The following CYTH1 variants were observed in gnomAD, a reference collection of about 807,000 sequenced individuals.
CYTH1 encodes the protein cytohesin-1.
Under a neutral mutation model 61.8 loss-of-function variants are expected in CYTH1, and 18 were observed. The ratio of observed to expected loss-of-function variants is 0.29; its 90% CI spans 0.20 to 0.43. The LOEUF (loss-of-function observed/expected upper bound fraction) is 0.43, where lower values mean the gene tolerates loss of function less well. Among genes scored for constraint, CYTH1 ranks in the 20% least tolerant of loss-of-function variants. The pLI is 1.00. For missense variants in CYTH1, 336 were observed against 510.5 expected (o/e 0.66, Z 3.29); for synonymous variants, 174 against 184.3 (o/e 0.94, Z 0.45).
chr17:78,686,170 C>T (rs1325459698), intron 11 of CYTH1, among the ~76,000 whole-genome samples: 1 of 152,134 alleles, frequency 6.6e-6, no homozygotes, highest in Non-Finnish European at 1.5e-5. Flanking sequence ...TGTTTTAATA[C>T]TTGTCTTTTT....
intron 1 of CYTH1, among the ~76,000 whole-genome samples, chr17:78,755,089 G>A (rs1363469820): frequency 2.6e-5 from 4 of 152,098 alleles, no homozygotes; most frequent in Admixed American, 2.0e-4. Context: ...GACCAAAAAC[G>A]TGGTGCAGCC....
At chr17:78,762,237 C>T (rs1172707727) in intron 1 of CYTH1, among the ~76,000 whole-genome samples, 1 of 152,112 alleles carries the variant, frequency 6.6e-6, no homozygotes, top group Non-Finnish European at 1.5e-5. Context: ...AGTCTCTGTT[C>T]CGGTAATTTG....
At chr17:78,698,594 T>C (rs2092972131) in intron 8 of CYTH1, among the ~76,000 whole-genome samples, 2 of 152,198 alleles carry the variant, frequency 1.3e-5, no homozygotes, top group African/African-American at 2.4e-5. Flanking sequence ...AGAAGCAGCC[T>C]GACTTCTATT....
At position 78,680,900 on chromosome 17, in the gene CYTH1, G is replaced by A. The variant is rs981882357; in HGVS notation, c.963+71C>T. ...ACGCTTTTCAGTTTTTTGGTTTTGA[G>A]TTTTTTAAAAAAAATCTTTGAAATG... On this transcript the variant is annotated intron_variant, in intron 12 of 13. Coordinates refer to ENST00000446868, the MANE Select transcript of CYTH1 (RefSeq NM_004762.6). The A allele has an allele frequency of 5.9e-6, 9 of 1,533,208 alleles. No homozygotes were observed. The Admixed American group carries it at 1.3e-4, about 22-fold the overall frequency. 95.0% of individuals were successfully genotyped at this position (1,533,208 alleles called of 1,614,324 possible). A position where few individuals can be genotyped will look rare whatever the true frequency, so the allele number is the denominator to read the frequency against.
chr17:78,684,356 T>C (rs556333961), intron 11 of CYTH1, among the ~76,000 whole-genome samples: 67 of 152,282 alleles, frequency 4.4e-4, no homozygotes, highest in Non-Finnish European at 1.3e-4. Context: ...TGGGCAGCAA[T>C]GTAAAATCCC....
chr17:78,771,934 T>C (rs1178887892), intron 1 of CYTH1, among the ~76,000 whole-genome samples: 1 of 152,174 alleles, frequency 6.6e-6, no homozygotes, highest in African/African-American at 2.4e-5. Flanking sequence ...TACCCTTCAC[T>C]GCTTTTGTGT....
At chr17:78,779,817 A>G (rs962865005) in intron 1 of CYTH1, among the ~76,000 whole-genome samples, 3 of 152,242 alleles carry the variant, frequency 2.0e-5, no homozygotes, top group African/African-American at 7.2e-5. Context: ...GCTTTAGCCC[A>G]GTGAGACCTA....
chr17:78,708,433 T>C (rs1567849314), intron 2 of CYTH1, among the ~76,000 whole-genome samples, 172 bp from the exon 3 acceptor site: 1 of 152,246 alleles, frequency 6.6e-6, no homozygotes, highest in Non-Finnish European at 1.5e-5. Flanking sequence ...GAAATATTTA[T>C]TGAGTGCCTA....
chr17:78,692,916 A>G (rs2092902957), intron 10 of CYTH1, among the ~76,000 whole-genome samples: 1 of 152,100 alleles, frequency 6.6e-6, no homozygotes, highest in Non-Finnish European at 1.5e-5. Context: ...CCCGGCACAT[A>G]AGGAGTGTTT....
intron 1 of CYTH1, among the ~76,000 whole-genome samples, chr17:78,748,967 G>A (rs1332430836): frequency 2.0e-5 from 3 of 152,316 alleles, no homozygotes; most frequent in South Asian, 2.1e-4. Flanking sequence ...CCACAGCCCT[G>A]AAGACGGAAC....
intron 1 of CYTH1, among the ~76,000 whole-genome samples, chr17:78,754,740 T>G (rs929933449): frequency 1.5e-5 from 2 of 136,362 alleles, no homozygotes; most frequent in African/African-American, 6.3e-5. Flanking sequence ...GGTAAATCCA[T>G]TTTTAAATTT....
At position 78,675,939 on chromosome 17, in the gene CYTH1, TAAAA is replaced by T; in HGVS notation, c.*148_*151del. ...GATAACTGCCCACCCTTCTCCCACT[TAAAA>T]AAAATAGCAAAAGCTGAAGCTAGTC... On this transcript the variant is annotated 3_prime_UTR_variant, in exon 14 of 14. Transcript: ENST00000446868. 1 of 1,542,112 alleles carries T rather than the reference TAAAA, an allele frequency of 6.5e-7. No homozygotes were observed. The highest frequency in any genetic ancestry group is 8.8e-7 in the Non-Finnish European group (1 of 1,142,460).
intron 11 of CYTH1, among the ~76,000 whole-genome samples, chr17:78,681,358 C>T (rs2092760664): frequency 6.6e-6 from 1 of 152,144 alleles, no homozygotes; most frequent in South Asian, 2.1e-4. Context: ...CTTCCCTTTG[C>T]CTGGCTCTCC....
At chr17:78,755,236 C>T (rs1040980001) in intron 1 of CYTH1, among the ~76,000 whole-genome samples, 3 of 152,080 alleles carry the variant, frequency 2.0e-5, no homozygotes, top group African/African-American at 4.8e-5. Context: ...AGTGCAATAG[C>T]GCAATCTCAG....
At chr17:78,676,207 G>A (rs769206174) in intron 13 of CYTH1, 38 bp from the exon 14 acceptor site, 1 of 1,570,438 alleles carries the variant, frequency 6.4e-7, no homozygotes, top group South Asian at 1.2e-5. Flanking sequence ...AGACGTGAGG[G>A]ACAGAATCAG....
intron 13 of CYTH1, among the ~76,000 whole-genome samples, chr17:78,679,010 C>T (rs1475518335): frequency 6.6e-6 from 1 of 152,220 alleles, no homozygotes; most frequent in East Asian, 1.9e-4. Context: ...TCATCTATTC[C>T]TTTCCCTCCA....
intron 1 of CYTH1, among the ~76,000 whole-genome samples, chr17:78,763,536 C>T (rs529417622): frequency 6.6e-6 from 1 of 152,114 alleles, no homozygotes; most frequent in South Asian, 2.1e-4. Flanking sequence ...CCTATACATA[C>T]ATACCTATGA....
At chr17:78,706,562 T>C (rs1242521670) in intron 3 of CYTH1, among the ~76,000 whole-genome samples, 1 of 152,250 alleles carries the variant, frequency 6.6e-6, no homozygotes, top group African/African-American at 2.4e-5. Flanking sequence ...TTCCAGCTTT[T>C]GGTTATTTTA....
chr17:78,746,307 T>C (rs1380552676), intron 1 of CYTH1, among the ~76,000 whole-genome samples: 1 of 151,568 alleles, frequency 6.6e-6, no homozygotes, highest in African/African-American at 2.4e-5. Context: ...TCCAAAAAAA[T>C]ATTCAGGATT....
Sources: gnomAD v4.1 joint callset for allele counts (sites outside exome capture counted in the v4.1 genomes callset) on GRCh38, gnomAD v4.1.1 for gene constraint, MANE v1.5 for transcripts, NCBI Gene and HGNC (gene_info 2026-07-23, HGNC 2026-07-21) for gene names.